RNF130: variants seen among roughly 807,000 people sequenced by gnomAD.
The protein encoded by RNF130 is E3 ubiquitin-protein ligase RNF130.
A neutral mutation model predicts 44.6 loss-of-function variants in RNF130; 21 were observed. The observed-to-expected ratio is 0.47, with a 90% CI of 0.33 to 0.68. The LOEUF (loss-of-function observed/expected upper bound fraction) is 0.68, where lower values mean the gene tolerates loss of function less well. RNF130 is among the 30% of genes least tolerant of loss of function. The pLI is 0.02. For missense variants in RNF130, 479 were observed against 560.6 expected (o/e 0.85, Z 1.47); for synonymous variants, 214 against 210.4 (o/e 1.02, Z -0.15).
chr5:179,974,638 C>A (rs1270960293), intron 5 of RNF130, among the ~76,000 whole-genome samples: 1 of 152,206 alleles, frequency 6.6e-6, no homozygotes, highest in Non-Finnish European at 1.5e-5. Flanking sequence ...CCCTCCCTCA[C>A]GGAGGGAAGA....
At chr5:180,070,929 G>C (rs1765241109) in intron 1 of RNF130, among the ~76,000 whole-genome samples, 1 of 152,008 alleles carries the variant, frequency 6.6e-6, no homozygotes, top group Non-Finnish European at 1.5e-5. Context: ...AAAACTACTA[G>C]GGCAAGAACA....
chr5:179,987,419 T>C (rs1762979928), intron 3 of RNF130, among the ~76,000 whole-genome samples: 1 of 152,240 alleles, frequency 6.6e-6, no homozygotes, highest in African/African-American at 2.4e-5. Context: ...TCCGCCTACC[T>C]TGGTCTCCCA....
intron 7 of RNF130, chr5:179,964,086 TCTTATGCATGGG>T (rs1242474553): frequency 6.4e-6 from 1 of 155,042 alleles, no homozygotes; most frequent in Admixed American, 6.3e-5. Context: ...CATTCTTCTC[TCTTATGCATGGG>T]CTTACTTAGG....
At chr5:180,068,945 T>C (rs990357573) in intron 1 of RNF130, among the ~76,000 whole-genome samples, 3 of 152,192 alleles carry the variant, frequency 2.0e-5, no homozygotes, top group Admixed American at 6.5e-5. Flanking sequence ...AATTCAAAAT[T>C]ATAAGAGCAT....
At position 179,994,349 on chromosome 5, in the gene RNF130, G is replaced by A. The variant is rs1381133697; in HGVS notation, c.694-14149C>T. ...TTGATTCTTCCTATCCATGAGCATG[G>A]AATGTTCTTCCATTTGTTTGTGTCC... On this transcript the variant is annotated intron_variant, in intron 3 of 8. Transcript: ENST00000521389. 2.0e-5 allele frequency among the ~76,000 whole-genome samples: 3 copies of A among 152,292 alleles called. No individual in the cohort carries two copies. In the East Asian group the frequency reaches 5.8e-4, roughly 29 times the overall value.
intron 1 of RNF130, among the ~76,000 whole-genome samples, chr5:180,043,293 C>T (rs1316485729): frequency 3.9e-5 from 6 of 152,190 alleles, no homozygotes; most frequent in Non-Finnish European, 8.8e-5. Context: ...TCGCTGCACT[C>T]CAGCCTGGGT....
chr5:180,014,426 C>CT (rs1763668477), intron 2 of RNF130, among the ~76,000 whole-genome samples: 1 of 152,086 alleles, frequency 6.6e-6, no homozygotes, highest in Admixed American at 6.6e-5. Context: ...CTGAGAGAGA[C>CT]TAGGGGTCAT....
At chr5:179,996,532 C>T (rs1055204425) in intron 3 of RNF130, among the ~76,000 whole-genome samples, 1 of 152,156 alleles carries the variant, frequency 6.6e-6, no homozygotes, top group African/African-American at 2.4e-5. Flanking sequence ...ATCATGAAGC[C>T]ACTTATCAAA....
At chr5:180,013,012 T>C (rs1056893540) in intron 3 of RNF130, 49 bp downstream of exon 3, 2 of 1,571,496 alleles carry the variant, frequency 1.3e-6, no homozygotes, top group African/African-American at 1.4e-5. Flanking sequence ...GACAGATGAC[T>C]GTGAACTCTG....
intron 2 of RNF130, among the ~76,000 whole-genome samples, chr5:180,028,511 A>G (rs1397158303): frequency 2.0e-5 from 3 of 152,028 alleles, no homozygotes; most frequent in African/African-American, 7.3e-5. Context: ...CTCATTATGC[A>G]GGGCCTGGCA....
chr5:179,968,425 G>A (rs1762500648), intron 6 of RNF130, among the ~76,000 whole-genome samples: 1 of 152,198 alleles, frequency 6.6e-6, no homozygotes, highest in Non-Finnish European at 1.5e-5. Flanking sequence ...CGGCACTGTG[G>A]GAGGCCGAGA....
chr5:179,974,544 G>A (rs1019721067), intron 5 of RNF130, among the ~76,000 whole-genome samples: 16 of 152,172 alleles, frequency 1.1e-4, no homozygotes, highest in Middle Eastern at 3.2e-3. Flanking sequence ...ATCCATGAGC[G>A]GCTTGACAGC....
chr5:179,977,595 G>A lies in RNF130; in HGVS notation c.848+608C>T, dbSNP rs1582157850. Among the ~76,000 whole-genome samples, 1 of 152,214 alleles carries A rather than the reference G, an allele frequency of 6.6e-6. No individual in the cohort carries two copies. The highest frequency in any genetic ancestry group is 2.1e-4 in the South Asian group (1 of 4,832). On this transcript the variant is annotated intron_variant, in intron 5 of 8. Transcript: ENST00000521389. The surrounding 1 kb of genome is among the most constrained non-coding windows in gnomAD (Gnocchi z 4.1). ...AGGCCGGGTGCGGTGGCTCACGCCT[G>A]TAATCCCAGGACTTTGGGAGGCTGA...
chr5:179,986,776 T>TA (rs1423008983), intron 3 of RNF130, among the ~76,000 whole-genome samples: 1 of 152,240 alleles, frequency 6.6e-6, no homozygotes, highest in African/African-American at 2.4e-5. Context: ...AATGATCAAA[T>TA]AGACTAGTAT....
At chr5:180,045,386 C>G (rs1238644476) in intron 1 of RNF130, among the ~76,000 whole-genome samples, 1 of 152,150 alleles carries the variant, frequency 6.6e-6, no homozygotes, top group African/African-American at 2.4e-5. Context: ...GGTTCGTGGT[C>G]TCACTGACTT....
intron 3 of RNF130, among the ~76,000 whole-genome samples, chr5:179,984,066 C>A (rs1229117182): frequency 6.6e-6 from 1 of 151,970 alleles, no homozygotes; most frequent in Non-Finnish European, 1.5e-5. Context: ...TTTTTTAAAA[C>A]CAATTCAATT....
rs532472374 is a variant in RNF130 at position 179,998,833 on chromosome 5, A to C, written c.693+14228T>G. Among the ~76,000 whole-genome samples, 7 of 134,102 alleles carry C rather than the reference A, an allele frequency of 5.2e-5. No homozygotes were observed. In the South Asian group the frequency reaches 1.4e-3, roughly 26 times the overall value. The allele number at this position is 134,102 out of a possible 152,430, so 88.0% of individuals were successfully genotyped here. On this transcript the variant is annotated intron_variant, in intron 3 of 8. Coordinates refer to ENST00000521389, the MANE Select transcript of RNF130 (RefSeq NM_018434.6). ...CCCAACTATTACTGTATTAGAGTTT[A>C]TCTCTCTCTTTAGATCTAGTATTTT...
chr5:179,948,864 G>T (rs147558029), intron 7 of RNF130, among the ~76,000 whole-genome samples: 89 of 152,196 alleles, frequency 5.8e-4, no homozygotes, highest in African/African-American at 2.1e-3. Context: ...GCCTTAAGCT[G>T]CTGGGTAGAA....
chr5:180,067,693 T>C (rs534338753), intron 1 of RNF130, among the ~76,000 whole-genome samples: 1 of 152,322 alleles, frequency 6.6e-6, no homozygotes, highest in African/African-American at 2.4e-5. Context: ...TAAAATTTGA[T>C]TTTTAGAGCC....
Sources: allele counts gnomAD v4.1 joint callset (sites outside exome capture counted in the v4.1 genomes callset), GRCh38; gene constraint gnomAD v4.1.1; non-coding constraint Gnocchi (gnomAD v3.1); transcripts MANE v1.5; gene names NCBI Gene and HGNC (gene_info 2026-07-23, HGNC 2026-07-21).